The following NDST4 variants were observed in gnomAD, a reference collection of about 807,000 sequenced individuals.
NDST4 encodes the protein N-deacetylase and N-sulfotransferase 4, also known as N-heparan sulfate sulfotransferase 4.
NDST4 carries 63 observed loss-of-function variants against 100.8 expected under a neutral mutation model. That is an observed-to-expected ratio of 0.62 (90% CI 0.51 to 0.77). The LOEUF is 0.77. Ranked by LOEUF, NDST4 falls within the 30% of genes least tolerant of loss-of-function variation. The pLI, the probability that NDST4 is intolerant of heterozygous loss-of-function variation, is 0.00. For missense variants in NDST4, 943 were observed against 1,018.4 expected (o/e 0.93, Z 1.01); for synonymous variants, 377 against 361.8 (o/e 1.04, Z -0.48).
intron 6 of NDST4, among the ~76,000 whole-genome samples, chr4:114,897,707 G>A (rs997578638): frequency 1.3e-5 from 2 of 152,186 alleles, no homozygotes; most frequent in Admixed American, 6.5e-5. Context: ...ATGAATGAGA[G>A]TTCATGTGGG....
chr4:114,970,791 G>C (rs532237479), intron 3 of NDST4, among the ~76,000 whole-genome samples: 1 of 152,110 alleles, frequency 6.6e-6, no homozygotes, highest in South Asian at 2.1e-4. Flanking sequence ...GGCATGGCTG[G>C]CACCAGGTCA....
chr4:114,936,703 T>G (rs1725635738), intron 5 of NDST4, among the ~76,000 whole-genome samples: 1 of 152,184 alleles, frequency 6.6e-6, no homozygotes. Context: ...TTGGTTTTAT[T>G]CTCATTTATT....
chr4:115,084,091 G>T (rs763519469), intron 1 of NDST4, among the ~76,000 whole-genome samples: 1 of 152,116 alleles, frequency 6.6e-6, no homozygotes, highest in Non-Finnish European at 1.5e-5. Flanking sequence ...GAGATTTGTC[G>T]AATAGCTTTG....
intron 6 of NDST4, among the ~76,000 whole-genome samples, chr4:114,928,716 G>A (rs184836792): frequency 2.8e-3 from 427 of 152,154 alleles, no homozygotes; most frequent in Non-Finnish European, 4.4e-3. Context: ...TCTGTAATGC[G>A]GGTAGACTTT....
intron 6 of NDST4, among the ~76,000 whole-genome samples, chr4:114,886,614 A>G (rs909663980): frequency 1.1e-4 from 17 of 152,154 alleles, no homozygotes; most frequent in African/African-American, 3.9e-4. Context: ...TACTATAAAC[A>G]TTAAAAAAAG....
chr4:114,906,188 TA>T (rs995954559), intron 6 of NDST4, among the ~76,000 whole-genome samples: 4 of 152,012 alleles, frequency 2.6e-5, no homozygotes, highest in East Asian at 1.9e-4. Flanking sequence ...AATTCTATAT[TA>T]AAAAAACAAG....
intron 2 of NDST4, among the ~76,000 whole-genome samples, chr4:115,045,249 T>G (rs550374299): frequency 1.3e-5 from 2 of 152,168 alleles, no homozygotes; most frequent in South Asian, 4.2e-4. Flanking sequence ...AAATTTGCCT[T>G]AGGCATGAAA....
intron 12 of NDST4, among the ~76,000 whole-genome samples, chr4:114,831,432 A>C (rs1459954620): frequency 6.6e-6 from 1 of 152,230 alleles, no homozygotes; most frequent in Admixed American, 6.5e-5. Context: ...GAGGAAAAAC[A>C]ATTCAGCATG....
chr4:115,005,957 G>A (rs1312492995), intron 2 of NDST4, among the ~76,000 whole-genome samples: 8 of 150,120 alleles, frequency 5.3e-5, no homozygotes, highest in Middle Eastern at 3.5e-3. Flanking sequence ...GCTTGAACTC[G>A]GGAGGCAGAG....
chr4:114,929,093 C>T (rs910978366), intron 6 of NDST4, among the ~76,000 whole-genome samples: 52 of 108,446 alleles, frequency 4.8e-4, no homozygotes, highest in East Asian at 4.3e-3. Flanking sequence ...TCCATCCATC[C>T]ATCCATCCAT....
chr4:114,989,178 G>A (rs1726982227), intron 2 of NDST4, among the ~76,000 whole-genome samples: 1 of 152,172 alleles, frequency 6.6e-6, no homozygotes. Flanking sequence ...AAGCTAGTGA[G>A]ACACTCATGA....
At chr4:114,935,541 G>A (rs974505342) in intron 5 of NDST4, among the ~76,000 whole-genome samples, 1 of 151,958 alleles carries the variant, frequency 6.6e-6, no homozygotes, top group Non-Finnish European at 1.5e-5. Context: ...AAAAAATATA[G>A]GTTAAATAAT....
intron 2 of NDST4, among the ~76,000 whole-genome samples, chr4:115,034,134 C>A (rs28719532): frequency 0.091 from 13,833 of 152,066 alleles, 1,915 homozygotes; most frequent in African/African-American, 0.3. Context: ...ACACTCGGAT[C>A]CTGCTTATTC....
chr4:115,013,743 A>G (rs1314774739), intron 2 of NDST4, among the ~76,000 whole-genome samples: 3 of 151,928 alleles, frequency 2.0e-5, no homozygotes, highest in Non-Finnish European at 4.4e-5. Flanking sequence ...TCAGCAGCTG[A>G]TAGAATCCCT....
intron 3 of NDST4, among the ~76,000 whole-genome samples, chr4:114,972,352 C>G (rs924724868): frequency 3.3e-5 from 5 of 151,956 alleles, no homozygotes; most frequent in African/African-American, 1.2e-4. Flanking sequence ...TAAGGACCTT[C>G]AGGTTTAATT....
At chr4:114,919,833 T>C (rs1725252217) in intron 6 of NDST4, among the ~76,000 whole-genome samples, 1 of 152,162 alleles carries the variant, frequency 6.6e-6, no homozygotes, top group South Asian at 2.1e-4. Flanking sequence ...TCTTGCAGGG[T>C]TGCTGCAGAG....
chr4:115,023,292 C>A (rs1453752804), intron 2 of NDST4, among the ~76,000 whole-genome samples: 1 of 152,038 alleles, frequency 6.6e-6, no homozygotes. Context: ...TCGAGACCAG[C>A]CTGACCAACA....
At chr4:115,055,891 G>T (rs1374560592) in intron 2 of NDST4, among the ~76,000 whole-genome samples, 1 of 152,110 alleles carries the variant, frequency 6.6e-6, no homozygotes, top group Non-Finnish European at 1.5e-5. Flanking sequence ...GTTACTCACA[G>T]TGTGGGCAAC....
At chr4:115,077,466 G>A (rs1001776712) in intron 1 of NDST4, among the ~76,000 whole-genome samples, 184 bp from the exon 2 acceptor site, 7 of 151,908 alleles carry the variant, frequency 4.6e-5, no homozygotes, top group African/African-American at 1.7e-4. Context: ...TAGATTTTTT[G>A]ATAACCTCCA....
Sources: gnomAD v4.1 joint callset for allele counts (sites outside exome capture counted in the v4.1 genomes callset) on GRCh38, gnomAD v4.1.1 for gene constraint, MANE v1.5 for transcripts, NCBI Gene and HGNC (gene_info 2026-07-23, HGNC 2026-07-21) for gene names.